HIVEP3: variants seen among roughly 807,000 people sequenced by gnomAD.
HIVEP3 encodes the protein HIVEP zinc finger 3, also known as transcription factor HIVEP3.
A neutral mutation model predicts 152.8 loss-of-function variants in HIVEP3; 49 were observed. The observed-to-expected ratio is 0.32, with a 90% CI of 0.26 to 0.41. HIVEP3 has a LOEUF of 0.41. HIVEP3 is among the 10% of genes least tolerant of loss of function. The pLI is 1.00. For synonymous variants in HIVEP3, 1,269 were observed against 1,289.0 expected (o/e 0.98, Z 0.33); for missense variants, 2,790 against 3,103.3 (o/e 0.90, Z 2.40).
chr1:41,746,499 T>A (rs1647073994), intron 1 of HIVEP3, among the ~76,000 whole-genome samples: 1 of 152,194 alleles, frequency 6.6e-6, no homozygotes, highest in Non-Finnish European at 1.5e-5. Flanking sequence ...TAAATGCTAT[T>A]TATTTATGCC....
chr1:41,517,123 T>C (rs12085360), intron 7 of HIVEP3, among the ~76,000 whole-genome samples: 16,026 of 152,282 alleles, frequency 0.11, 2,782 homozygotes, highest in African/African-American at 0.36. Flanking sequence ...CATCCTCGTT[T>C]GCTCCACTGG....
chr1:41,716,428 C>T (rs925665382), intron 1 of HIVEP3, among the ~76,000 whole-genome samples: 2 of 152,222 alleles, frequency 1.3e-5, no homozygotes, highest in Non-Finnish European at 2.9e-5. Flanking sequence ...CCTATCAGCA[C>T]TTCCCACAGG....
chr1:41,685,494 A>G (rs886434287), intron 2 of HIVEP3, among the ~76,000 whole-genome samples: 1 of 152,162 alleles, frequency 6.6e-6, no homozygotes, highest in Non-Finnish European at 1.5e-5. Context: ...CCTTGGATGG[A>G]TGGCATTCAC....
At chr1:41,524,543 C>A (rs1329851839) in intron 6 of HIVEP3, among the ~76,000 whole-genome samples, 192 bp downstream of exon 6, 1 of 152,116 alleles carries the variant, frequency 6.6e-6, no homozygotes, top group African/African-American at 2.4e-5. Context: ...CTGGGGGCAG[C>A]CATGGGGAGC....
chr1:41,852,236 GTGCTGGCA>G (rs1643624629), intron 1 of HIVEP3, among the ~76,000 whole-genome samples: 1 of 152,206 alleles, frequency 6.6e-6, no homozygotes, highest in Non-Finnish European at 1.5e-5. Flanking sequence ...AAGCCCTAAG[GTGCTGGCA>G]TGGGCTCCTC....
At chr1:41,886,373 C>A (rs1035989955) in intron 1 of HIVEP3, among the ~76,000 whole-genome samples, 1 of 152,062 alleles carries the variant, frequency 6.6e-6, no homozygotes, top group African/African-American at 2.4e-5. Flanking sequence ...AGGTGCAATA[C>A]CTGGCACCTG....
chr1:41,611,564 C>A (rs947595352), intron 3 of HIVEP3, among the ~76,000 whole-genome samples: 1 of 152,248 alleles, frequency 6.6e-6, no homozygotes, highest in Non-Finnish European at 1.5e-5. Flanking sequence ...ACACATTCAA[C>A]AAAGAGTGAG....
At chr1:41,578,061 G>A (rs1644352146) in intron 4 of HIVEP3, among the ~76,000 whole-genome samples, 2 of 152,196 alleles carry the variant, frequency 1.3e-5, no homozygotes, top group South Asian at 4.1e-4. Flanking sequence ...GAAACTAGAG[G>A]CAGCTTAGAT....
At chr1:41,944,295 A>G (rs1348397741) in intron 1 of HIVEP3, among the ~76,000 whole-genome samples, 1 of 152,234 alleles carries the variant, frequency 6.6e-6, no homozygotes, top group African/African-American at 2.4e-5. Context: ...TTTTGTCACA[A>G]TTAAAAACAA....
chr1:41,654,689 A>G (rs574021295), intron 2 of HIVEP3, among the ~76,000 whole-genome samples: 16 of 152,360 alleles, frequency 1.1e-4, no homozygotes, highest in African/African-American at 3.6e-4. Context: ...TCCAGTATAC[A>G]ACATGGTATT....
intron 1 of HIVEP3, among the ~76,000 whole-genome samples, chr1:41,957,115 C>A (rs889863786): frequency 6.6e-6 from 1 of 152,148 alleles, no homozygotes; most frequent in African/African-American, 2.4e-5. Context: ...AGCACCAAGG[C>A]AGTAATTTAT....
At chr1:41,824,851 TAGAG>T (rs112182227) in intron 1 of HIVEP3, among the ~76,000 whole-genome samples, 3 of 131,134 alleles carry the variant, frequency 2.3e-5, no homozygotes, top group Non-Finnish European at 3.3e-5. Flanking sequence ...AGTTTATATA[TAGAG>T]AGAGAGACAG....
chr1:41,894,597 C>G (rs1483995711), intron 1 of HIVEP3, among the ~76,000 whole-genome samples: 1 of 152,120 alleles, frequency 6.6e-6, no homozygotes, highest in African/African-American at 2.4e-5. Flanking sequence ...ATTTCCACTC[C>G]CGAAACATGC....
At chr1:41,621,281 A>G (rs1645043533) in intron 3 of HIVEP3, among the ~76,000 whole-genome samples, 1 of 152,262 alleles carries the variant, frequency 6.6e-6, no homozygotes, top group African/African-American at 2.4e-5. Context: ...TGCATTTTAA[A>G]GAAACTCAAG....
chr1:41,878,840 A>C (rs1433341129), intron 1 of HIVEP3, among the ~76,000 whole-genome samples: 224 of 79,052 alleles, frequency 2.8e-3, no homozygotes, highest in African/African-American at 3.5e-3. Flanking sequence ...CTTCCTCCCC[A>C]TCTCCTGCCC....
chr1:41,712,508 C>A (rs977712615), intron 1 of HIVEP3, among the ~76,000 whole-genome samples: 1 of 152,232 alleles, frequency 6.6e-6, no homozygotes. Context: ...TAAGGGGACA[C>A]TGGGCACCTG....
chr1:41,861,526 G>C (rs757936542), intron 1 of HIVEP3, among the ~76,000 whole-genome samples: 10 of 152,246 alleles, frequency 6.6e-5, no homozygotes, highest in Non-Finnish European at 1.3e-4. Flanking sequence ...TTACCTTGAA[G>C]GGTGGGGAAA....
At chr1:41,543,534 G>C (rs993769674) in intron 5 of HIVEP3, 3 of 152,256 alleles carry the variant, frequency 2.0e-5, no homozygotes, top group Non-Finnish European at 4.4e-5. Context: ...GTGTAACCTA[G>C]GCCCAGGCCC....
At chr1:41,531,417 T>G (rs1437638219) in intron 5 of HIVEP3, among the ~76,000 whole-genome samples, 1 of 126,278 alleles carries the variant, frequency 7.9e-6, no homozygotes, top group Non-Finnish European at 1.7e-5. Context: ...ACAGGAGAGA[T>G]GGAGGACAGG....
Sources: gnomAD v4.1 joint callset for allele counts (sites outside exome capture counted in the v4.1 genomes callset) on GRCh38, gnomAD v4.1.1 for gene constraint, MANE v1.5 for transcripts, NCBI Gene and HGNC (gene_info 2026-07-23, HGNC 2026-07-21) for gene names.